The following DCAF13 variants were observed in gnomAD, a reference collection of about 807,000 sequenced individuals.
DCAF13 encodes DDB1 and CUL4 associated factor 13.
A neutral mutation model predicts 59.0 loss-of-function variants in DCAF13; 38 were observed. The ratio of observed to expected loss-of-function variants is 0.64; its 90% confidence interval spans 0.50 to 0.84. DCAF13 has a LOEUF of 0.84. DCAF13 is among the 40% of genes least tolerant of loss of function. The pLI, the probability that DCAF13 is intolerant of heterozygous loss-of-function variation, is 0.00. For missense variants in DCAF13, 469 were observed against 558.4 expected (o/e 0.84, Z 1.61); for synonymous variants, 173 against 175.0 (o/e 0.99, Z 0.09).
intron 5 of DCAF13, 98 bp from the exon 6 acceptor site, chr8:103,430,514 C>T: frequency 1.3e-6 from 1 of 756,914 alleles, no homozygotes; most frequent in Non-Finnish European, 2.2e-6. Flanking sequence ...TGTTTTTTAA[C>T]ATAAATATTA....
At chr8:103,421,220 C>G (rs1044043050) in intron 3 of DCAF13, 138 bp downstream of exon 3, 1 of 695,392 alleles carries the variant, frequency 1.4e-6, no homozygotes, top group Non-Finnish European at 2.6e-6. Flanking sequence ...CTTATTAAAC[C>G]TTGAAAATTA....
In DCAF13 at chr8:103,441,612, G is replaced by A. The variant is rs752405404; in HGVS notation, c.1244G>A (p.Arg415Gln). Reference sequence around the variant, plus strand: ...CAGCGCATCATGAAAGAAGCTCGTCGACGAAAGTATGTTTTGAGGCATTTG... The same window carrying A: ...CAGCGCATCATGAAAGAAGCTCGTCAACGAAAGTATGTTTTGAGGCATTTG... ...QEQRIMKEAR[R>Q]RKEVNRIKHS... The change falls in exon 10 of 11, where the codon CGA (arginine) becomes CAA (glutamine). Residue 415 changes from arginine (R) to glutamine (Q), a missense_variant. Physicochemically the swap from Arg to Gln is conservative, Grantham distance 43. Around this residue, in one of 3 missense-constraint regions of DCAF13, gnomAD observed 84 missense variants for 92.3 expected, o/e 0.91. Transcript: ENST00000612750. 16 of 1,610,338 alleles carry A rather than the reference G, an allele frequency of 9.9e-6. No individual in the cohort carries two copies. The highest frequency in any genetic ancestry group is 8.9e-5 in the East Asian group (4 of 44,850).
intron 3 of DCAF13, among the ~76,000 whole-genome samples, chr8:103,422,941 T>C (rs1226234832): frequency 6.6e-6 from 1 of 152,182 alleles, no homozygotes; most frequent in African/African-American, 2.4e-5. Flanking sequence ...ACTAATTTGT[T>C]GCTCCATAGA....
chr8:103,425,985 A>G (rs1816787365), intron 3 of DCAF13, 71 bp from the exon 4 acceptor site: 4 of 994,934 alleles, frequency 4.0e-6, no homozygotes, highest in Middle Eastern at 2.1e-4. Context: ...TACTTATTTG[A>G]TATGTGTTGG....
intron 3 of DCAF13, among the ~76,000 whole-genome samples, chr8:103,422,350 C>T (rs1816733225): frequency 6.6e-6 from 1 of 152,056 alleles, no homozygotes; most frequent in Non-Finnish European, 1.5e-5. Flanking sequence ...CAATATAGAA[C>T]TAATCATTGA....
Position 103,427,173 on chromosome 8 carries a change from A to G in DCAF13, c.545A>G (p.Asp182Gly). The G allele has an allele frequency of 1.2e-6, 2 of 1,613,560 alleles. No homozygotes were observed. The highest frequency in any genetic ancestry group is 1.7e-6 in the Non-Finnish European group (2 of 1,179,586). The change falls in exon 5 of 11, where the codon GAT (aspartate) becomes GGT (glycine). Residue 182 changes from aspartate to glycine, a missense_variant. Transcript: ENST00000612750. ...TGTGGACAGCAAGTAGACATTTGGG[A>G]TGAACAAAGAACTAATCCTATATGT... ...ATCGQQVDIWDEQRTNPICSM... is the reference protein window; with the variant it reads ...ATCGQQVDIWGEQRTNPICSM...
chr8:103,419,902 G>T (rs777219397), intron 1 of DCAF13, among the ~76,000 whole-genome samples: 1 of 152,026 alleles, frequency 6.6e-6, no homozygotes, highest in Admixed American at 6.5e-5. Flanking sequence ...CCAGCTACTC[G>T]GGTGGCTGAG....
At chr8:103,420,895 G>A (rs1044599552) in intron 2 of DCAF13, 80 bp from the exon 3 acceptor site, 4 of 1,030,172 alleles carry the variant, frequency 3.9e-6, no homozygotes, top group East Asian at 2.4e-5. Flanking sequence ...AGAGTGATTC[G>A]TAGCCTTGTC....
intron 3 of DCAF13, among the ~76,000 whole-genome samples, chr8:103,423,366 TA>T (rs1334425908): frequency 6.6e-6 from 1 of 152,112 alleles, no homozygotes; most frequent in African/African-American, 2.4e-5. Context: ...ACAGGAATAC[TA>T]TTCAGCCTTC....
At chr8:103,420,882 A>G (rs1245370803) in intron 2 of DCAF13, 93 bp from the exon 3 acceptor site, 15 of 932,310 alleles carry the variant, frequency 1.6e-5, no homozygotes, top group Non-Finnish European at 2.4e-5. Context: ...TTAGCTGCCC[A>G]GTAGAGTGAT....
chr8:103,420,934 AT>A, intron 2 of DCAF13, 40 bp from the exon 3 acceptor site: 1 of 1,338,830 alleles, frequency 7.5e-7, no homozygotes, highest in Non-Finnish European at 1.1e-6. Context: ...AACATTTTAC[AT>A]TTATAGTTCA....
chr8:103,433,432 CT>C (rs1302685733), intron 7 of DCAF13, among the ~76,000 whole-genome samples: 1 of 151,150 alleles, frequency 6.6e-6, no homozygotes, highest in East Asian at 1.9e-4. Flanking sequence ...AGTATCTTAT[CT>C]TTTTTTTTCC....
chr8:103,421,274 G>A lies in DCAF13; in HGVS notation c.378+192G>A, dbSNP rs768037483. ...TTCAGCCTTCCCCATAACTTAACAT[G>A]ATTAAACTAATATTCAATTTACCAC... On this transcript the variant is annotated intron_variant, in intron 3 of 10. Coordinates refer to ENST00000612750, the MANE Select transcript of DCAF13 (RefSeq NM_015420.7). The A allele has an allele frequency of 3.3e-5, 22 of 666,554 alleles. 1 individual carries two copies. In the South Asian group the frequency reaches 3.5e-4, roughly 11 times the overall value. The allele number at this position is 666,554 out of a possible 1,614,324, so 41.3% of individuals were successfully genotyped here. A position where few individuals can be genotyped will look rare whatever the true frequency, so the allele number is the denominator to read the frequency against.
intron 3 of DCAF13, among the ~76,000 whole-genome samples, chr8:103,425,072 T>C (rs1232719780): frequency 6.6e-6 from 1 of 152,174 alleles, no homozygotes; most frequent in Non-Finnish European, 1.5e-5. Context: ...GCAAGAAGCG[T>C]TTTCCTTTTT....
At chr8:103,415,631 T>A in intron 1 of DCAF13, 115 bp downstream of exon 1, 1 of 1,055,356 alleles carries the variant, frequency 9.5e-7, no homozygotes. Context: ...TCTTTCTCAG[T>A]TACCTTTCGC....
intron 3 of DCAF13, among the ~76,000 whole-genome samples, chr8:103,425,735 A>C (rs527281758): frequency 6.6e-6 from 1 of 152,286 alleles, no homozygotes; most frequent in African/African-American, 2.4e-5. Flanking sequence ...GACTAACCAG[A>C]TATTATAATA....
intron 7 of DCAF13, among the ~76,000 whole-genome samples, chr8:103,435,388 T>C (rs1396460757): frequency 6.6e-6 from 1 of 152,162 alleles, no homozygotes; most frequent in Non-Finnish European, 1.5e-5. Context: ...TTCCACATTT[T>C]CTACAATGAG....
At chr8:103,431,645 G>A (rs1816866807) in intron 6 of DCAF13, among the ~76,000 whole-genome samples, 1 of 152,160 alleles carries the variant, frequency 6.6e-6, no homozygotes, top group Admixed American at 6.5e-5. Context: ...TCTCCTGTAA[G>A]GTGGTGGTAT....
intron 8 of DCAF13, among the ~76,000 whole-genome samples, chr8:103,437,703 A>G (rs971252107): frequency 6.6e-6 from 1 of 152,036 alleles, no homozygotes; most frequent in African/African-American, 2.4e-5. Context: ...ATAAACATCA[A>G]ATAACTCATG....
Sources: gnomAD v4.1 joint callset for allele counts (sites outside exome capture counted in the v4.1 genomes callset) on GRCh38, gnomAD v4.1.1 for gene constraint, gnomAD v4.1.1 regional missense constraint, MANE v1.5 for transcripts, NCBI Gene and HGNC (gene_info 2026-07-23, HGNC 2026-07-21) for gene names.